USP34: variants seen among roughly 807,000 people sequenced by gnomAD.
USP34 encodes ubiquitin specific peptidase 34.
In USP34, 70 loss-of-function variants were observed where a neutral mutation model predicts 460.3. That is an observed-to-expected ratio of 0.15 (90% confidence interval 0.13 to 0.19). The LOEUF (loss-of-function observed/expected upper bound fraction) is 0.19. USP34 is among the 10% of genes least tolerant of loss of function. The pLI, the probability that USP34 is intolerant of heterozygous loss-of-function variation, is 1.00. For synonymous variants in USP34, 1,647 were observed against 1,405.3 expected, an observed-to-expected ratio of 1.17 and a Z score of -3.85; for missense variants, 3,985 against 4,236.2, an observed-to-expected ratio of 0.94 and a Z score of 1.65.
intron 1 of USP34, among the ~76,000 whole-genome samples, chr2:61,470,273 A>G (rs538937273): frequency 1.3e-5 from 2 of 152,316 alleles, no homozygotes; most frequent in South Asian, 2.1e-4. Context: ...TGGACTGCGG[A>G]GGAAAGCCTC....
chr2:61,395,765 G>A (rs546834501), intron 3 of USP34, among the ~76,000 whole-genome samples: 4 of 105,320 alleles, frequency 3.8e-5, no homozygotes, highest in Non-Finnish European at 6.7e-5. Flanking sequence ...CCGCCTGGGC[G>A]ACAGAACGAG....
At chr2:61,444,446 A>G (rs1695052431) in intron 1 of USP34, among the ~76,000 whole-genome samples, 1 of 152,190 alleles carries the variant, frequency 6.6e-6, no homozygotes, top group Non-Finnish European at 1.5e-5. Context: ...AGAAGAAAGC[A>G]AAAGAGAGAA....
At chr2:61,434,283 C>A (rs933851500) in intron 1 of USP34, among the ~76,000 whole-genome samples, 1 of 152,124 alleles carries the variant, frequency 6.6e-6, no homozygotes, top group Non-Finnish European at 1.5e-5. Flanking sequence ...CCCAGGCCAG[C>A]CAGGCAGCCA....
chr2:61,336,629 G>C (rs1157677250), intron 18 of USP34, among the ~76,000 whole-genome samples: 2 of 151,352 alleles, frequency 1.3e-5, no homozygotes, highest in African/African-American at 4.8e-5. Context: ...GGCCAACGTG[G>C]CAAAACCCCA....
At chr2:61,326,025 A>G (rs576845783) in intron 20 of USP34, among the ~76,000 whole-genome samples, 15 of 152,182 alleles carry the variant, frequency 9.9e-5, no homozygotes, top group Non-Finnish European at 1.9e-4. Flanking sequence ...TAAAGAAGCA[A>G]CTTTTAGTGA....
At chr2:61,440,139 C>A (rs1035741142) in intron 1 of USP34, among the ~76,000 whole-genome samples, 2 of 152,244 alleles carry the variant, frequency 1.3e-5, no homozygotes, top group Admixed American at 6.5e-5. Flanking sequence ...CCGTCCCTCC[C>A]GAGCACTCAT....
At chr2:61,190,844 C>G in intron 76 of USP34, 186 bp from the exon 77 acceptor site, 1 of 608,694 alleles carries the variant, frequency 1.6e-6, no homozygotes. Context: ...ATTTTTCATA[C>G]AGTAAAATGT....
chr2:61,416,413 C>T (rs1426768990), intron 2 of USP34, among the ~76,000 whole-genome samples: 1 of 152,220 alleles, frequency 6.6e-6, no homozygotes, highest in East Asian at 1.9e-4. Flanking sequence ...TGGCTGGCGT[C>T]CAGAGTTCTT....
At chr2:61,312,838 A>G (rs1451743955) in intron 25 of USP34, among the ~76,000 whole-genome samples, 1 of 152,226 alleles carries the variant, frequency 6.6e-6, no homozygotes, top group Admixed American at 6.5e-5. Context: ...AAGTGTCTCC[A>G]GGGATTACGT....
chr2:61,262,427 C>T (rs1558497583), intron 43 of USP34, among the ~76,000 whole-genome samples: 1 of 152,234 alleles, frequency 6.6e-6, no homozygotes, highest in East Asian at 1.9e-4. Flanking sequence ...TAAGTGAGAA[C>T]ATATGGTATT....
At position 61,350,582 on chromosome 2, in the gene USP34, C is replaced by A; in HGVS notation, c.1363G>T (p.Val455Phe). ...LNLVSALEPS[V>F]HTEQTLYLAS... is the part of the protein sequence containing the mutation. ...GAATGTATTACCTGTTCAGTATGAA[C>A]ACTTGGCTCAAGAGCTGAGACCAGA... The change falls in exon 11 of 80, where the codon GTT becomes TTT. Residue 455 changes from valine to phenylalanine, a missense_variant. Physicochemically the swap from Val to Phe is conservative, Grantham distance 50. Coordinates refer to ENST00000398571, the MANE Select transcript of USP34 (RefSeq NM_014709.4). The A allele has an allele frequency of 6.2e-7, 1 of 1,610,254 alleles. No individual in the cohort carries two copies. The highest frequency in any genetic ancestry group is 8.5e-7 in the Non-Finnish European group (1 of 1,179,156).
At position 61,343,804 on chromosome 2, in the gene USP34, T is replaced by A; in HGVS notation, c.2500+11A>T. 2 of 1,611,016 alleles carry A rather than the reference T, an allele frequency of 1.2e-6. No individual in the cohort carries two copies. Among genetic ancestry groups the A allele is most frequent in the Non-Finnish European group, 1.7e-6 (2 of 1,177,276 alleles). On this transcript the variant is annotated intron_variant, in intron 16 of 79. Coordinates refer to ENST00000398571, the MANE Select transcript of USP34 (RefSeq NM_014709.4). ...AGAAGGTAATATATTTTACTTACTG[T>A]AGAGTCTTACCTTGACTAAGATGTT...
chr2:61,440,074 C>A (rs1694922329), intron 1 of USP34, among the ~76,000 whole-genome samples: 1 of 152,158 alleles, frequency 6.6e-6, no homozygotes, highest in South Asian at 2.1e-4. Flanking sequence ...CTCCCCGGTT[C>A]TGAGGGCTCA....
At chr2:61,448,001 C>T (rs2104050446) in intron 1 of USP34, among the ~76,000 whole-genome samples, 1 of 152,278 alleles carries the variant, frequency 6.6e-6, no homozygotes, top group South Asian at 2.1e-4. Flanking sequence ...CAGGCAAGAG[C>T]CAAGGATCTG....
Position 61,211,772 on chromosome 2 carries a change from C to T in USP34, c.8840G>A (p.Ser2947Asn). ...DGRSCWTTLISAFRILLESDE... is the reference protein window; with the variant it reads ...DGRSCWTTLINAFRILLESDE... ...GACAAAACTAAAAACATCTTTTTAC[C>T]TTATTAAAGTAGTCCAGCAGGAGCG... The change falls in exon 69 of 80, where the codon AGT (serine) becomes AAT (asparagine). Residue 2947 changes from serine (S) to asparagine (N), a missense_variant and splice_region_variant. Transcript: ENST00000398571. 6.4e-7 allele frequency: 1 copy of T among 1,563,552 alleles called. No individual in the cohort carries two copies. Among genetic ancestry groups the T allele is most frequent in the Non-Finnish European group, 8.6e-7 (1 of 1,164,264 alleles).
intron 58 of USP34, among the ~76,000 whole-genome samples, chr2:61,231,325 T>G (rs116820982): frequency 6.6e-5 from 10 of 151,938 alleles, no homozygotes; most frequent in African/African-American, 2.4e-4. Flanking sequence ...TGTTCCAAAA[T>G]TAGGTAGTAG....
intron 1 of USP34, among the ~76,000 whole-genome samples, chr2:61,464,247 A>C (rs990147911): frequency 1.3e-5 from 2 of 152,178 alleles, no homozygotes; most frequent in African/African-American, 4.8e-5. Context: ...TGAAGCAAGG[A>C]GGTGGAAGTT....
At chr2:61,337,036 A>G (rs1256227886) in intron 18 of USP34, among the ~76,000 whole-genome samples, 1 of 152,162 alleles carries the variant, frequency 6.6e-6, no homozygotes, top group African/African-American at 2.4e-5. Context: ...GAAGTATAAT[A>G]AACATACATA....
chr2:61,288,954 G>C, intron 33 of USP34, 77 bp from the exon 34 acceptor site: 1 of 1,450,586 alleles, frequency 6.9e-7, no homozygotes, highest in Non-Finnish European at 9.4e-7. Flanking sequence ...GAAATTAAAA[G>C]ACCAGAAAAT....
Sources: allele counts gnomAD v4.1 joint callset (sites outside exome capture counted in the v4.1 genomes callset), GRCh38; gene constraint gnomAD v4.1.1; transcripts MANE v1.5; gene names NCBI Gene and HGNC (gene_info 2026-07-23, HGNC 2026-07-21).